GNA14: variants seen among roughly 807,000 people sequenced by gnomAD.
GNA14 encodes the protein guanine nucleotide-binding protein subunit alpha-14.
Under a neutral mutation model 42.0 loss-of-function variants are expected in GNA14, and 50 were observed. The observed-to-expected ratio is 1.19, with a 90% CI of 0.95 to 1.51. The LOEUF (loss-of-function observed/expected upper bound fraction) is 1.51. Ranked by LOEUF, GNA14 falls within the 40% of genes most tolerant of loss-of-function variation. The pLI is 0.00. For missense variants in GNA14, 473 were observed against 446.2 expected (o/e 1.06, Z -0.54); for synonymous variants, 173 against 163.1 (o/e 1.06, Z -0.46).
chr9:77,646,977 C>G (rs1190977668), intron 1 of GNA14, among the ~76,000 whole-genome samples: 1 of 152,186 alleles, frequency 6.6e-6, no homozygotes, highest in African/African-American at 2.4e-5. Context: ...CTGAGTCAAG[C>G]TGGGCAAGGG....
At chr9:77,576,918 CA>C (rs1163140778) in intron 1 of GNA14, among the ~76,000 whole-genome samples, 15 of 152,226 alleles carry the variant, frequency 9.9e-5, no homozygotes, top group Admixed American at 2.6e-4. Flanking sequence ...CTGAAAATGT[CA>C]AATATTTGAA....
chr9:77,570,863 G>T, intron 1 of GNA14, among the ~76,000 whole-genome samples: 1 of 150,968 alleles, frequency 6.6e-6, no homozygotes, highest in East Asian at 1.9e-4. Flanking sequence ...GGAAATATCT[G>T]AGCTCTCAAA....
intron 1 of GNA14, among the ~76,000 whole-genome samples, chr9:77,547,912 G>A (rs555947219): frequency 1.3e-5 from 2 of 152,282 alleles, no homozygotes; most frequent in East Asian, 3.9e-4. Context: ...TATGATAAGT[G>A]ATAAGGGTGA....
At chr9:77,434,232 G>A (rs1201032878) in intron 3 of GNA14, 136 bp downstream of exon 3, 3 of 747,444 alleles carry the variant, frequency 4.0e-6, no homozygotes, top group Non-Finnish European at 6.6e-6. Context: ...AGGTCAGGAG[G>A]GATATGGGAA....
intron 1 of GNA14, among the ~76,000 whole-genome samples, chr9:77,545,124 CA>C (rs761481892): frequency 1.1e-4 from 16 of 152,318 alleles, no homozygotes; most frequent in Non-Finnish European, 2.1e-4. Flanking sequence ...CTCAATAAGG[CA>C]GGCACAAAGA....
intron 1 of GNA14, among the ~76,000 whole-genome samples, chr9:77,558,157 T>G (rs1822819116): frequency 6.6e-6 from 1 of 152,202 alleles, no homozygotes; most frequent in African/African-American, 2.4e-5. Flanking sequence ...GGAAATGTTA[T>G]TAATATTCTT....
intron 1 of GNA14, among the ~76,000 whole-genome samples, chr9:77,561,651 G>A (rs1199186118): frequency 1.3e-5 from 2 of 152,218 alleles, no homozygotes; most frequent in Non-Finnish European, 2.9e-5. Flanking sequence ...TTATTTAATG[G>A]ATTTAATGAG....
intron 2 of GNA14, among the ~76,000 whole-genome samples, chr9:77,467,128 C>A (rs1335259012): frequency 6.6e-6 from 1 of 151,316 alleles, no homozygotes; most frequent in Non-Finnish European, 1.5e-5. Context: ...AGTTAAAGAG[C>A]GTCTCTTTCT....
chr9:77,478,918 T>G (rs1486153216), intron 2 of GNA14, among the ~76,000 whole-genome samples: 3 of 152,240 alleles, frequency 2.0e-5, no homozygotes, highest in African/African-American at 7.2e-5. Flanking sequence ...TTGTAGATTC[T>G]GGATATTAGC....
At chr9:77,615,272 T>C (rs1823792521) in intron 1 of GNA14, among the ~76,000 whole-genome samples, 1 of 151,850 alleles carries the variant, frequency 6.6e-6, no homozygotes, top group East Asian at 1.9e-4. Context: ...CCAGAAATTA[T>C]CCCAAATTGG....
In GNA14 at chr9:77,548,922, TG is replaced by T. The variant is rs2131780449; in HGVS notation, c.125-19670del. On this transcript the variant is annotated intron_variant, in intron 1 of 6. Transcript: ENST00000341700. ...CGTGGTTCAACTCTTTACTATTTAA[TG>T]AGAAAGCCTTTCTTTTTTTTTTTCT... Among the ~76,000 whole-genome samples the T allele has an allele frequency of 2.0e-5, 3 of 152,278 alleles. No homozygotes were observed. The East Asian group carries it at 5.8e-4, about 29-fold the overall frequency.
At chr9:77,602,655 T>C (rs926216208) in intron 1 of GNA14, among the ~76,000 whole-genome samples, 1 of 152,178 alleles carries the variant, frequency 6.6e-6, no homozygotes, top group African/African-American at 2.4e-5. Flanking sequence ...TTGTTCCTCA[T>C]GGGATTCGCC....
In GNA14 at chr9:77,459,432, G is replaced by A. The variant is rs377230272; in HGVS notation, c.310-24910C>T. 1.3e-4 allele frequency among the ~76,000 whole-genome samples: 19 copies of A among 151,980 alleles called. 1 individual carries two copies. The South Asian group carries it at 3.3e-3, about 27-fold the overall frequency. ...GCCTGGGTAATCCAAGCAAAATGAC[G>A]CCTGGCCTCGCCTCCTGTCTGCTTC... On this transcript the variant is annotated intron_variant, in intron 2 of 6. Transcript: ENST00000341700.
intron 2 of GNA14, among the ~76,000 whole-genome samples, chr9:77,527,130 T>C (rs611145): frequency 0.99 from 150,180 of 152,304 alleles, 74,054 homozygotes; most frequent in East Asian, 1. Flanking sequence ...AAACAAAATG[T>C]ATTTTACAAC....
chr9:77,602,532 C>T (rs1823583341), intron 1 of GNA14, among the ~76,000 whole-genome samples: 1 of 150,204 alleles, frequency 6.7e-6, no homozygotes, highest in Non-Finnish European at 1.5e-5. Flanking sequence ...CTGGGAGAGA[C>T]CTGGTTTGTA....
Position 77,423,998 on chromosome 9 carries a change from C to T in GNA14, c.1049G>A (p.Arg350Lys), listed in dbSNP as rs1309951429. The change falls in exon 7 of 7, where the codon AGG becomes AAG. Residue 350 changes from arginine (R) to lysine (K), a missense_variant. Arg to Lys is a conservative substitution (Grantham distance 26). Coordinates refer to ENST00000341700, the MANE Select transcript of GNA14 (RefSeq NM_004297.4). ...CAGCTTTTAGACAAGGTTGAATTCC[C>T]TTAGGTTTAGCTGTAGAATTGTGTC... ...VKDTILQLNL[R>K]EFNLV The T allele has an allele frequency of 1.9e-6, 3 of 1,602,430 alleles. No individual in the cohort carries two copies. The highest frequency in any genetic ancestry group is 2.3e-5 in the East Asian group (1 of 44,360).
chr9:77,578,584 C>T (rs1484162115), intron 1 of GNA14, among the ~76,000 whole-genome samples: 2 of 152,048 alleles, frequency 1.3e-5, no homozygotes, highest in Non-Finnish European at 2.9e-5. Context: ...AGATGAGCAC[C>T]ATATGTCTTA....
intron 2 of GNA14, among the ~76,000 whole-genome samples, chr9:77,499,391 A>G (rs1836927993): frequency 1.7e-5 from 1 of 58,114 alleles, no homozygotes; most frequent in African/African-American, 1.3e-4. Flanking sequence ...AATTGCTTCA[A>G]AAAAAAAAAA....
intron 3 of GNA14, among the ~76,000 whole-genome samples, chr9:77,433,754 A>G (rs757116403): frequency 6.6e-6 from 1 of 152,242 alleles, no homozygotes; most frequent in Non-Finnish European, 1.5e-5. Context: ...TGAATTAAAA[A>G]TTGAGCTGTA....
Sources: allele counts gnomAD v4.1 joint callset (sites outside exome capture counted in the v4.1 genomes callset), GRCh38; gene constraint gnomAD v4.1.1; transcripts MANE v1.5; gene names NCBI Gene and HGNC (gene_info 2026-07-23, HGNC 2026-07-21).